Variants in FBXW4 observed in about 807,000 individuals in gnomAD.
FBXW4 encodes F-box and WD repeat domain containing 4.
A neutral mutation model predicts 61.8 loss-of-function variants in FBXW4; 40 were observed. The ratio of observed to expected loss-of-function variants is 0.65; its 90% CI spans 0.50 to 0.84. The LOEUF is 0.84. FBXW4 is among the 40% of genes least tolerant of loss of function. FBXW4 has a pLI of 0.00. For synonymous variants in FBXW4, 311 were observed against 313.8 expected, an observed-to-expected ratio of 0.99 and a Z score of 0.10; for missense variants, 672 against 753.8, an observed-to-expected ratio of 0.89 and a Z score of 1.27.
At chr10:101,631,462 G>GC (rs776914093) in intron 5 of FBXW4, among the ~76,000 whole-genome samples, 9 of 152,216 alleles carry the variant, frequency 5.9e-5, no homozygotes, top group Non-Finnish European at 2.9e-5. Context: ...AAAAAAAAGA[G>GC]CCTATGCAGA....
At chr10:101,616,186 G>C (rs1013627368) in intron 6 of FBXW4, among the ~76,000 whole-genome samples, 11 of 152,164 alleles carry the variant, frequency 7.2e-5, no homozygotes, top group Non-Finnish European at 1.6e-4. Flanking sequence ...AGAGAGGAGG[G>C]AAGGGTGACA....
intron 5 of FBXW4, among the ~76,000 whole-genome samples, chr10:101,643,869 T>C (rs921011325): frequency 1.3e-5 from 2 of 152,152 alleles, no homozygotes; most frequent in Non-Finnish European, 2.9e-5. Context: ...GCCCACAAAA[T>C]TTCTAATAAG....
At chr10:101,640,956 G>A (rs1484986947) in intron 5 of FBXW4, among the ~76,000 whole-genome samples, 2 of 151,540 alleles carry the variant, frequency 1.3e-5, no homozygotes, top group South Asian at 2.1e-4. Flanking sequence ...TCAGCCTCCC[G>A]AGTAGCTGGG....
intron 1 of FBXW4, among the ~76,000 whole-genome samples, chr10:101,681,103 C>G (rs931715969): frequency 6.6e-6 from 1 of 152,118 alleles, no homozygotes; most frequent in Non-Finnish European, 1.5e-5. Context: ...AATAACAGGT[C>G]TAGGCTGGGC....
chr10:101,694,987 T>A lies in FBXW4; in HGVS notation c.119A>T (p.Lys40Met). The A allele has an allele frequency of 8.9e-7, 1 of 1,123,412 alleles. No individual in the cohort carries two copies. The highest frequency in any genetic ancestry group is 1.1e-6 in the Non-Finnish European group (1 of 918,034). The allele number at this position is 1,123,412 out of a possible 1,614,324, so 69.6% of individuals were successfully genotyped here. ...CCCCGCTCTCGCTTTTCCCTTCCCC[T>A]TCCCCTTCCTTCGCTTCCCCCTCGC... is the stretch of plus-strand genomic sequence containing the variant. ...RVARGKRRKG[K>M]GKGKARAGQG... The change falls in exon 1 of 9, where the codon AAG becomes ATG. Residue 40 changes from lysine (K) to methionine (M), a missense_variant. Coordinates refer to ENST00000331272, the MANE Select transcript of FBXW4 (RefSeq NM_022039.4). The surrounding 1 kb of genome is among the most constrained non-coding windows in gnomAD (Gnocchi z 6.0).
intron 5 of FBXW4, among the ~76,000 whole-genome samples, chr10:101,647,983 G>C (rs958746984): frequency 6.6e-6 from 1 of 152,152 alleles, no homozygotes; most frequent in Non-Finnish European, 1.5e-5. Flanking sequence ...CTGCAGGGAG[G>C]GAGATAAAAA....
rs544293738 is a variant in FBXW4, at chr10:101,677,150, T to C, written c.726-714A>G. On this transcript the variant is annotated intron_variant, in intron 1 of 8. Coordinates refer to ENST00000331272, the MANE Select transcript of FBXW4 (RefSeq NM_022039.4). Reference sequence around the variant, plus strand: ...TTTTGGGAAAAGGTCTGGCAGTTTATTATAAATCTAAACATATGTGTACTC... The same window carrying C: ...TTTTGGGAAAAGGTCTGGCAGTTTACTATAAATCTAAACATATGTGTACTC... 2.6e-5 allele frequency among the ~76,000 whole-genome samples: 4 copies of C among 152,276 alleles called. No individual in the cohort carries two copies. The South Asian group carries it at 8.3e-4, about 32-fold the overall frequency.
At chr10:101,633,941 A>G (rs966707608) in intron 5 of FBXW4, among the ~76,000 whole-genome samples, 10 of 151,844 alleles carry the variant, frequency 6.6e-5, no homozygotes, top group Admixed American at 2.0e-4. Context: ...CCCTGTCTCT[A>G]CTAAAAAATA....
chr10:101,671,640 A>T (rs535527768), intron 4 of FBXW4, among the ~76,000 whole-genome samples: 1 of 152,294 alleles, frequency 6.6e-6, no homozygotes, highest in Non-Finnish European at 1.5e-5. Context: ...GATGGCTAGA[A>T]TAAGACAGGA....
intron 5 of FBXW4, among the ~76,000 whole-genome samples, chr10:101,646,514 G>A (rs2064098587): frequency 6.6e-6 from 1 of 152,232 alleles, no homozygotes; most frequent in African/African-American, 2.4e-5. Context: ...TCCCCCACAG[G>A]AGCAACAAAG....
At chr10:101,624,670 G>A (rs1426076886) in intron 6 of FBXW4, 75 bp downstream of exon 6, 1 of 1,531,012 alleles carries the variant, frequency 6.5e-7, no homozygotes, top group Non-Finnish European at 9.1e-7. Context: ...TCAGCCAACT[G>A]AGGCAGAGGC....
intron 1 of FBXW4, among the ~76,000 whole-genome samples, chr10:101,684,458 T>G (rs2064512516): frequency 6.6e-6 from 1 of 152,098 alleles, no homozygotes; most frequent in Admixed American, 6.5e-5. Context: ...TTAATAGAGA[T>G]GGGGTTTCAC....
At chr10:101,671,934 G>C (rs1287476796) in intron 4 of FBXW4, among the ~76,000 whole-genome samples, 1 of 152,106 alleles carries the variant, frequency 6.6e-6, no homozygotes, top group African/African-American at 2.4e-5. Context: ...AAAAAGAAGG[G>C]AACATATTTA....
At chr10:101,671,638 G>C (rs2064358926) in intron 4 of FBXW4, among the ~76,000 whole-genome samples, 1 of 152,102 alleles carries the variant, frequency 6.6e-6, no homozygotes, top group African/African-American at 2.4e-5. Context: ...AAGATGGCTA[G>C]AATAAGACAG....
chr10:101,611,294 T>C lies in FBXW4; in HGVS notation c.1701A>G (p.Pro567=), dbSNP rs751239309. 4 of 1,613,518 alleles carry C rather than the reference T, an allele frequency of 2.5e-6. No homozygotes were observed. Among genetic ancestry groups the C allele is most frequent in the African/African-American group, 2.7e-5 (2 of 74,908 alleles). The change falls in exon 9 of 9, where the codon CCA becomes CCG. Residue 567 remains proline, a synonymous_variant. Coordinates refer to ENST00000331272, the MANE Select transcript of FBXW4 (RefSeq NM_022039.4). This position sits in a 1 kb window ranked among gnomAD's most constrained non-coding sequence, Gnocchi z 4.9. ...YNLHVLDFQN[P] ...GAGGCAGGGGTGGCCCTGACGGTCA[T>C]GGGTTTTGAAAATCCAGGACGTGGA...
In FBXW4 at chr10:101,667,994, A is replaced by G. The variant is rs781292781; in HGVS notation, c.1141-14T>C. On this transcript the variant is annotated splice_polypyrimidine_tract_variant and intron_variant, in intron 4 of 8. Transcript: ENST00000331272. ...CAAAGGCCACACCTAGAAACAGGAG[A>G]GGAGATGCTCTCGTTGGCATTGCCT... is the stretch of plus-strand genomic sequence containing the variant. The G allele has an allele frequency of 6.2e-7, 1 of 1,608,306 alleles. No individual in the cohort carries two copies. Among genetic ancestry groups the G allele is most frequent in the African/African-American group, 1.3e-5 (1 of 74,830 alleles).
intron 1 of FBXW4, among the ~76,000 whole-genome samples, chr10:101,685,631 C>G (rs893989927): frequency 6.6e-6 from 1 of 152,132 alleles, no homozygotes; most frequent in Non-Finnish European, 1.5e-5. Flanking sequence ...AGTAACACAC[C>G]AGAGGGTGAA....
At chr10:101,627,361 C>A (rs1433276745) in intron 5 of FBXW4, among the ~76,000 whole-genome samples, 1 of 152,174 alleles carries the variant, frequency 6.6e-6, no homozygotes, top group East Asian at 1.9e-4. Context: ...TCAAATTTAA[C>A]ACTCAGTAAA....
intron 6 of FBXW4, among the ~76,000 whole-genome samples, chr10:101,618,480 G>C (rs1056159908): frequency 6.6e-6 from 1 of 152,202 alleles, no homozygotes; most frequent in African/African-American, 2.4e-5. Flanking sequence ...TGTTAGGATG[G>C]GTGAGAAGCC....
Sources: gnomAD v4.1 joint callset for allele counts (sites outside exome capture counted in the v4.1 genomes callset) on GRCh38, gnomAD v4.1.1 for gene constraint, Gnocchi (gnomAD v3.1) non-coding constraint, MANE v1.5 for transcripts, NCBI Gene and HGNC (gene_info 2026-07-23, HGNC 2026-07-21) for gene names.